Variants in C1D observed in about 807,000 individuals in gnomAD.
The protein encoded by C1D is C1D nuclear receptor corepressor.
Under a neutral mutation model 17.5 loss-of-function variants are expected in C1D, and 10 were observed. The observed-to-expected ratio is 0.57, with a 90% confidence interval of 0.35 to 0.97. The LOEUF is 0.97. Among genes scored for constraint, C1D ranks in the 50% least tolerant of loss-of-function variants. C1D has a pLI of 0.01. For synonymous variants in C1D, 49 were observed against 54.0 expected (o/e 0.91, Z 0.40); for missense variants, 136 against 160.1 (o/e 0.85, Z 0.81).
At position 68,042,083 on chromosome 2, in the gene C1D, CT is replaced by C. The variant is rs1174995289; in HGVS notation, c.*805del. ...CTGAAAAAAAATGAGATGAAAAGAACTGTGGACACCATGCATCAGGAACAAA... is the reference window on the plus strand; with the variant it reads ...CTGAAAAAAAATGAGATGAAAAGAACGTGGACACCATGCATCAGGAACAAA... On this transcript the variant is annotated 3_prime_UTR_variant, in exon 5 of 5. Coordinates refer to ENST00000410067, the MANE Select transcript of C1D (RefSeq NM_173177.3). 2 of 151,950 alleles carry C rather than the reference CT, an allele frequency of 1.3e-5. No individual in the cohort carries two copies. The highest frequency in any genetic ancestry group is 6.6e-5 in the Admixed American group (1 of 15,258). 9.4% of individuals were successfully genotyped at this position (151,950 alleles called of 1,614,324 possible).
rs553954202 is a variant in C1D at position 68,062,161 on chromosome 2, C to T, written c.-10+797G>A. Among the ~76,000 whole-genome samples, 142 of 152,250 alleles carry T rather than the reference C, an allele frequency of 9.3e-4. 1 individual carries two copies. Among genetic ancestry groups the T allele is most frequent in the South Asian group, 3.7e-3 (18 of 4,826 alleles). ...TGCCTGTATCAAAACATCTCGTGTACCCCATAAATATATACACCTATGTAC... is the reference window on the plus strand; with the variant it reads ...TGCCTGTATCAAAACATCTCGTGTATCCCATAAATATATACACCTATGTAC... On this transcript the variant is annotated intron_variant, in intron 1 of 4. Coordinates refer to ENST00000410067, the MANE Select transcript of C1D (RefSeq NM_173177.3).
rs143654299 is a variant in C1D at position 68,045,686 on chromosome 2, TA to T, written c.261+301del. 1.4e-4 allele frequency among the ~76,000 whole-genome samples: 21 copies of T among 148,668 alleles called. 1 individual carries two copies. The highest frequency in any genetic ancestry group is 2.7e-4 in the Admixed American group (4 of 14,892). On this transcript the variant is annotated intron_variant, in intron 4 of 4. Coordinates refer to ENST00000410067, the MANE Select transcript of C1D (RefSeq NM_173177.3). ...TACTTTTAAGAACTGTACAGAAGTT[TA>T]AAAAAAAAAGTAGTTCTAGAGATAA...
At chr2:68,047,962 T>C (rs1467480959) in intron 1 of C1D, among the ~76,000 whole-genome samples, 5 of 152,130 alleles carry the variant, frequency 3.3e-5, no homozygotes, top group Admixed American at 1.3e-4. Context: ...GAGCATATTA[T>C]ATTCAACTAA....
In C1D at chr2:68,058,391, T is replaced by A. The variant is rs183240909; in HGVS notation, c.-10+4567A>T. 2.6e-4 allele frequency among the ~76,000 whole-genome samples: 39 copies of A among 152,288 alleles called. No individual in the cohort carries two copies. The East Asian group carries it at 6.4e-3, about 25-fold the overall frequency. On this transcript the variant is annotated intron_variant, in intron 1 of 4. Coordinates refer to ENST00000410067, the MANE Select transcript of C1D (RefSeq NM_173177.3). ...CATGCTATGAGACTATAAACTAGTG[T>A]ACATGACAATCTGAGGGAAGACAGA...
intron 2 of C1D, 168 bp from the exon 3 acceptor site, chr2:68,046,578 A>T (rs1025732432): frequency 1.9e-6 from 1 of 531,320 alleles, no homozygotes; most frequent in Non-Finnish European, 3.3e-6. Context: ...AATAATTTGT[A>T]AAAAGAAGTT....
intron 1 of C1D, chr2:68,053,385 C>G: frequency 1.6e-6 from 1 of 637,648 alleles, no homozygotes; most frequent in Non-Finnish European, 2.5e-6. Flanking sequence ...CTTTAATTCT[C>G]CACTTCAGGG....
intron 1 of C1D, among the ~76,000 whole-genome samples, chr2:68,054,252 CT>C (rs917200385): frequency 6.6e-6 from 1 of 152,194 alleles, no homozygotes; most frequent in Non-Finnish European, 1.5e-5. Flanking sequence ...CTTACTACCG[CT>C]TCCCATCCCA....
chr2:68,061,219 G>C (rs1671620195), intron 1 of C1D, among the ~76,000 whole-genome samples: 1 of 152,168 alleles, frequency 6.6e-6, no homozygotes, highest in South Asian at 2.1e-4. Flanking sequence ...TATCTTAGGA[G>C]AAAATAACAA....
At chr2:68,055,655 T>A (rs193166802) in intron 1 of C1D, among the ~76,000 whole-genome samples, 1 of 152,324 alleles carries the variant, frequency 6.6e-6, no homozygotes, top group East Asian at 1.9e-4. Flanking sequence ...CAACAAATTA[T>A]TGATAATTCT....
intron 1 of C1D, among the ~76,000 whole-genome samples, chr2:68,051,632 A>G (rs1671284673): frequency 1.3e-5 from 2 of 152,010 alleles, no homozygotes; most frequent in Admixed American, 1.3e-4. Flanking sequence ...ATTTCATTCC[A>G]GCCACATTGT....
rs1461066312 is a variant in C1D at position 68,042,317 on chromosome 2, T to C, written c.*572A>G. On this transcript the variant is annotated 3_prime_UTR_variant, in exon 5 of 5. Transcript: ENST00000410067. ...TAATGAGAATGTATTTTATTTTAAA[T>C]GGGACATAGAGGCAACATGCCAAGA... 1.3e-5 allele frequency: 2 copies of C among 152,558 alleles called. No homozygotes were observed. The highest frequency in any genetic ancestry group is 1.3e-4 in the Admixed American group (2 of 15,272). 9.5% of individuals were successfully genotyped at this position (152,558 alleles called of 1,614,324 possible).
chr2:68,055,565 T>C (rs1671413945), intron 1 of C1D, among the ~76,000 whole-genome samples: 1 of 152,114 alleles, frequency 6.6e-6, no homozygotes, highest in Non-Finnish European at 1.5e-5. Context: ...CTTGTTTGGA[T>C]CTTGATTCAA....
intron 2 of C1D, among the ~76,000 whole-genome samples, 157 bp downstream of exon 2, chr2:68,047,015 TG>T (rs1321117810): frequency 2.0e-5 from 3 of 152,182 alleles, no homozygotes; most frequent in Non-Finnish European, 4.4e-5. Context: ...AGTTTTCTTT[TG>T]TTTTGTTTCC....
At chr2:68,060,673 C>A (rs138448566) in intron 1 of C1D, among the ~76,000 whole-genome samples, 1 of 123,942 alleles carries the variant, frequency 8.1e-6, no homozygotes. Flanking sequence ...TGGGGCAGGG[C>A]GGGCAAGGGC....
chr2:68,059,929 T>C (rs1671569006), intron 1 of C1D, among the ~76,000 whole-genome samples: 1 of 152,220 alleles, frequency 6.6e-6, no homozygotes, highest in South Asian at 2.1e-4. Flanking sequence ...ATGACCACTC[T>C]GAAGTCCAGA....
intron 4 of C1D, among the ~76,000 whole-genome samples, chr2:68,044,829 C>A (rs2103792517): frequency 6.6e-6 from 1 of 152,176 alleles, no homozygotes; most frequent in African/African-American, 2.4e-5. Context: ...AGAAAGAAAA[C>A]AAATGACCTT....
intron 3 of C1D, 80 bp from the exon 4 acceptor site, chr2:68,046,123 C>CA (rs1671113033): frequency 4.8e-6 from 5 of 1,041,548 alleles, no homozygotes; most frequent in South Asian, 3.1e-5. Flanking sequence ...TAGTTATTCA[C>CA]AAAAAAGGAA....
In C1D at chr2:68,042,942, G is replaced by A. The variant is rs747426243; in HGVS notation, c.373C>T (p.Pro125Ser). Residue 125 changes from proline (P) to serine (S), a missense_variant, in exon 5 of 5, where the codon CCA becomes TCA. Transcript: ENST00000410067. Reference sequence around the variant, plus strand: ...ACTTTTGATGCATTTTTCGATTTTGGTTCCCAGAGGGCATTTTTTACAAAT... The same window carrying A: ...ACTTTTGATGCATTTTTCGATTTTGATTCCCAGAGGGCATTTTTTACAAAT... ...SRFVKNALWE[P>S]KSKNASKVAN... 14 of 1,581,144 alleles carry A rather than the reference G, an allele frequency of 8.9e-6. No homozygotes were observed. In the Admixed American group the frequency reaches 1.8e-4, roughly 20 times the overall value.
At chr2:68,046,189 A>T (rs1042126814) in intron 3 of C1D, 146 bp from the exon 4 acceptor site, 76 of 801,450 alleles carry the variant, frequency 9.5e-5, no homozygotes, top group Non-Finnish European at 3.0e-5. Flanking sequence ...TACTAAATCT[A>T]TGTGTGGCTC....
Sources: allele counts gnomAD v4.1 joint callset (sites outside exome capture counted in the v4.1 genomes callset), GRCh38; gene constraint gnomAD v4.1.1; transcripts MANE v1.5; gene names NCBI Gene and HGNC (gene_info 2026-07-23, HGNC 2026-07-21).